MYO5B: variants seen among roughly 807,000 people sequenced by gnomAD.
MYO5B encodes the protein myosin VB, also known as unconventional myosin-Vb.
A neutral mutation model predicts 229.3 loss-of-function variants in MYO5B; 143 were observed. The observed-to-expected ratio is 0.62, with a 90% CI of 0.54 to 0.72. MYO5B has a LOEUF of 0.72. Ranked by LOEUF, MYO5B falls within the 30% of genes least tolerant of loss-of-function variation. MYO5B has a pLI of 0.00. For missense variants in MYO5B, 2,321 were observed against 2,331.0 expected, an observed-to-expected ratio of 1.00 and a Z score of 0.09; for synonymous variants, 918 against 885.2, an observed-to-expected ratio of 1.04 and a Z score of -0.66.
At position 50,136,836 on chromosome 18, in the gene MYO5B, C is replaced by T. The variant is rs549541693; in HGVS notation, c.27+57931G>A. Among the ~76,000 whole-genome samples, 61 of 152,276 alleles carry T rather than the reference C, an allele frequency of 4.0e-4. No individual in the cohort carries two copies. The South Asian group carries it at 0.012, about 29-fold the overall frequency. The stretch of plus-strand genomic sequence containing the variant: ...AACGATGGTGTCAGACCCCTTATCA[C>T]AAAGGCATTCAATAAATTACCATTA... On this transcript the variant is annotated intron_variant, in intron 1 of 39. Transcript: ENST00000285039.
chr18:50,141,873 T>C (rs966278266), intron 1 of MYO5B, among the ~76,000 whole-genome samples: 7 of 152,046 alleles, frequency 4.6e-5, no homozygotes, highest in Admixed American at 6.6e-5. Flanking sequence ...GCCTCACCTC[T>C]CTCTAAAGGG....
rs1446821416 is a variant in MYO5B, at chr18:49,864,163, C to T, written c.3821G>A (p.Arg1274Gln). The change falls in exon 28 of 40, where the codon CGG becomes CAG. Residue 1274 changes from arginine to glutamine, a missense_variant. Coordinates refer to ENST00000285039, the MANE Select transcript of MYO5B (RefSeq NM_001080467.3). ...TACCGCGTTCCTGCCGGCGAGTCGC[C>T]GCTGGTCGGCGCTCACGATCTGGGT... ...LRTQIVSADQRRLAGRNAEPN... is the reference protein window; with the variant it reads ...LRTQIVSADQQRLAGRNAEPN... 14 of 1,610,772 alleles carry T rather than the reference C, an allele frequency of 8.7e-6. No homozygotes were observed. Among genetic ancestry groups the T allele is most frequent in the African/African-American group, 1.3e-5 (1 of 75,066 alleles).
chr18:50,148,242 T>C (rs1231899028), intron 1 of MYO5B, among the ~76,000 whole-genome samples: 1 of 150,332 alleles, frequency 6.7e-6, no homozygotes, highest in Non-Finnish European at 1.5e-5. Context: ...CACAGCCGAA[T>C]TCTACCAGAG....
chr18:49,872,256 TA>T (rs1408931040), intron 26 of MYO5B, 24 bp from the exon 27 acceptor site: 3 of 1,612,464 alleles, frequency 1.9e-6, no homozygotes, highest in African/African-American at 2.7e-5. Flanking sequence ...GACACAAAGA[TA>T]AGTGCAGACC....
chr18:50,175,907 T>C (rs1057220529), intron 1 of MYO5B, among the ~76,000 whole-genome samples: 1 of 152,216 alleles, frequency 6.6e-6, no homozygotes, highest in African/African-American at 2.4e-5. Context: ...CCACAACACA[T>C]ACCCATTGCT....
At chr18:49,876,426 G>A (rs1021678765) in intron 25 of MYO5B, 4 of 192,482 alleles carry the variant, frequency 2.1e-5, no homozygotes, top group Admixed American at 5.3e-5. Context: ...GTACAAACAC[G>A]TCTATCTGCC....
chr18:49,964,337 G>A (rs553692897), intron 10 of MYO5B, among the ~76,000 whole-genome samples: 1 of 151,410 alleles, frequency 6.6e-6, no homozygotes, highest in Non-Finnish European at 1.5e-5. Flanking sequence ...CCAATTTTAA[G>A]TGTATATTTT....
chr18:50,094,620 T>C (rs531887505), intron 1 of MYO5B, among the ~76,000 whole-genome samples: 4 of 152,130 alleles, frequency 2.6e-5, no homozygotes, highest in African/African-American at 4.8e-5. Context: ...CATGGGAACA[T>C]TTACCAAACA....
intron 12 of MYO5B, among the ~76,000 whole-genome samples, chr18:49,954,774 T>C (rs145632299): frequency 7.4e-4 from 113 of 152,306 alleles, no homozygotes; most frequent in African/African-American, 2.6e-3. Flanking sequence ...GGTACTTCCC[T>C]GCAACTGGGG....
At chr18:50,028,448 G>C (rs956623865) in intron 4 of MYO5B, among the ~76,000 whole-genome samples, 8 of 152,150 alleles carry the variant, frequency 5.3e-5, no homozygotes, top group East Asian at 1.9e-4. Context: ...GGCCAGATAG[G>C]AGAGTGTCTG....
intron 5 of MYO5B, among the ~76,000 whole-genome samples, chr18:49,997,318 A>C (rs2025999415): frequency 7.3e-6 from 1 of 136,674 alleles, no homozygotes. Flanking sequence ...AAAATAACAT[A>C]TCTGGTCTTC....
chr18:49,974,772 GTC>G, intron 9 of MYO5B, among the ~76,000 whole-genome samples, 157 bp from the exon 10 acceptor site: 1 of 14,980 alleles, frequency 6.7e-5, no homozygotes, highest in South Asian at 3.1e-3. Flanking sequence ...CAGCCCAGCA[GTC>G]TCTCTCACAC....
chr18:50,065,507 C>G (rs1157723586), intron 1 of MYO5B, among the ~76,000 whole-genome samples: 1 of 152,136 alleles, frequency 6.6e-6, no homozygotes, highest in Admixed American at 6.5e-5. Context: ...GGGGAAACCG[C>G]CACTTATACA....
intron 29 of MYO5B, among the ~76,000 whole-genome samples, chr18:49,857,453 G>A (rs1208308018): frequency 6.6e-6 from 1 of 152,166 alleles, no homozygotes; most frequent in Non-Finnish European, 1.5e-5. Flanking sequence ...TAAGGAAGGA[G>A]ACTGCAGACA....
At chr18:49,932,124 C>G (rs1242852155) in intron 16 of MYO5B, among the ~76,000 whole-genome samples, 3 of 152,154 alleles carry the variant, frequency 2.0e-5, no homozygotes, top group Non-Finnish European at 2.9e-5. Context: ...TCATTGAGAA[C>G]CCCGTCATTC....
chr18:49,961,840 G>A (rs114196054), intron 12 of MYO5B, among the ~76,000 whole-genome samples: 1,738 of 152,256 alleles, frequency 0.011, 18 homozygotes, highest in African/African-American at 0.04. Flanking sequence ...GGGAAATTAT[G>A]AATTTCACCT....
chr18:49,933,402 G>A (rs2025215836), intron 16 of MYO5B, among the ~76,000 whole-genome samples: 1 of 152,182 alleles, frequency 6.6e-6, no homozygotes. Flanking sequence ...TAAGCATAGG[G>A]GACATGTCTT....
At chr18:49,972,181 A>T (rs569187536) in intron 10 of MYO5B, among the ~76,000 whole-genome samples, 2 of 152,260 alleles carry the variant, frequency 1.3e-5, no homozygotes, top group Non-Finnish European at 2.9e-5. Context: ...TATTGTTTTC[A>T]AACCAGACAA....
At chr18:50,086,168 G>C (rs16951490) in intron 1 of MYO5B, among the ~76,000 whole-genome samples, 11 of 151,858 alleles carry the variant, frequency 7.2e-5, no homozygotes, top group Admixed American at 3.9e-4. Flanking sequence ...CTGTTTAACG[G>C]ATTTATGGCC....
Sources: allele counts gnomAD v4.1 joint callset (sites outside exome capture counted in the v4.1 genomes callset), GRCh38; gene constraint gnomAD v4.1.1; transcripts MANE v1.5; gene names NCBI Gene and HGNC (gene_info 2026-07-23, HGNC 2026-07-21).